CACNA2D2: variants seen among roughly 807,000 people sequenced by gnomAD.
CACNA2D2 encodes the protein voltage-dependent calcium channel subunit alpha-2/delta-2.
CACNA2D2 carries 48 observed loss-of-function variants against 166.4 expected under a neutral mutation model. That is an observed-to-expected ratio of 0.29 (90% CI 0.23 to 0.37). CACNA2D2 has a LOEUF of 0.37. Among genes scored for constraint, CACNA2D2 ranks in the 10% least tolerant of loss-of-function variants. The pLI is 1.00. For missense variants in CACNA2D2, 1,122 were observed against 1,433.0 expected, an observed-to-expected ratio of 0.78 and a Z score of 3.50; for synonymous variants, 561 against 573.7, an observed-to-expected ratio of 0.98 and a Z score of 0.32.
chr3:50,430,749 T>G (rs1262189318), intron 3 of CACNA2D2, among the ~76,000 whole-genome samples: 1 of 152,054 alleles, frequency 6.6e-6, no homozygotes, highest in Non-Finnish European at 1.5e-5. Context: ...TATAAGAACT[T>G]AGGCACCTCC....
intron 2 of CACNA2D2, among the ~76,000 whole-genome samples, chr3:50,451,696 T>G (rs1196378606): frequency 6.6e-6 from 1 of 152,138 alleles, no homozygotes; most frequent in Non-Finnish European, 1.5e-5. Flanking sequence ...CAGGGGCCTG[T>G]CCAGTGAGAG....
At chr3:50,439,210 G>C (rs541321949) in intron 2 of CACNA2D2, among the ~76,000 whole-genome samples, 1 of 152,360 alleles carries the variant, frequency 6.6e-6, no homozygotes, top group Non-Finnish European at 1.5e-5. Context: ...GGCGGATGCA[G>C]GCAGAGGCTG....
chr3:50,387,633 T>G, intron 4 of CACNA2D2, 21 bp from the exon 5 acceptor site: 1 of 1,605,616 alleles, frequency 6.2e-7, no homozygotes, highest in Non-Finnish European at 8.5e-7. Flanking sequence ...GAGAGAGGCC[T>G]CAGCACTAGC....
chr3:50,499,497 A>G (rs139536068), intron 1 of CACNA2D2, among the ~76,000 whole-genome samples: 180 of 152,328 alleles, frequency 1.2e-3, no homozygotes, highest in African/African-American at 3.4e-3. Flanking sequence ...TATCATTTCA[A>G]TTGTGGAAAC....
At chr3:50,450,360 C>T (rs1034409234) in intron 2 of CACNA2D2, among the ~76,000 whole-genome samples, 7 of 151,226 alleles carry the variant, frequency 4.6e-5, no homozygotes, top group African/African-American at 1.7e-4. Flanking sequence ...TACCCTGCCC[C>T]CGCCCCGTGT....
At chr3:50,408,993 C>T (rs1706858112) in intron 3 of CACNA2D2, among the ~76,000 whole-genome samples, 1 of 152,240 alleles carries the variant, frequency 6.6e-6, no homozygotes, top group Admixed American at 6.5e-5. Flanking sequence ...AGGAAAGGGA[C>T]CCCTGAATCC....
intron 2 of CACNA2D2, 131 bp downstream of exon 2, chr3:50,475,987 C>A (rs1710292480): frequency 6.8e-6 from 5 of 737,742 alleles, no homozygotes; most frequent in Admixed American, 4.4e-5. Flanking sequence ...CACCTGCCCC[C>A]ACGGGCCCAT....
chr3:50,388,240 G>A (rs41311615), intron 4 of CACNA2D2, among the ~76,000 whole-genome samples: 184 of 152,298 alleles, frequency 1.2e-3, no homozygotes, highest in Non-Finnish European at 1.8e-3. Flanking sequence ...CATAATCACC[G>A]GCCGCCCCGG....
intron 1 of CACNA2D2, among the ~76,000 whole-genome samples, chr3:50,484,502 A>G (rs1001722052): frequency 3.9e-5 from 6 of 152,068 alleles, no homozygotes; most frequent in Admixed American, 3.9e-4. Flanking sequence ...TGTGGCCTGA[A>G]CATGCCCCTA....
At chr3:50,399,296 C>G (rs1242185806) in intron 3 of CACNA2D2, among the ~76,000 whole-genome samples, 1 of 152,236 alleles carries the variant, frequency 6.6e-6, no homozygotes, top group Non-Finnish European at 1.5e-5. Flanking sequence ...AGGACTTTTT[C>G]TGCACAGCCC....
rs79431699 is a variant in CACNA2D2 at position 50,364,540 on chromosome 3, C to A, written c.*126G>T. The A allele has an allele frequency of 7.1e-4, 855 of 1,200,722 alleles. 25 individuals carry two copies. The East Asian group carries it at 0.021, about 30-fold the overall frequency. The allele number at this position is 1,200,722 out of a possible 1,614,324, so 74.4% of individuals were successfully genotyped here. On this transcript the variant is annotated 3_prime_UTR_variant, in exon 38 of 38. Transcript: ENST00000424201. Reference sequence around the variant, plus strand: ...CAAGGCGCAGACCAGACTCTCAGGGCCTGGCCAGCTCAGGTCCTTCAGTGA... The same window carrying A: ...CAAGGCGCAGACCAGACTCTCAGGGACTGGCCAGCTCAGGTCCTTCAGTGA...
At chr3:50,475,915 G>A (rs758561344) in intron 2 of CACNA2D2, among the ~76,000 whole-genome samples, 2 of 152,172 alleles carry the variant, frequency 1.3e-5, no homozygotes, top group East Asian at 1.9e-4. Flanking sequence ...TGGTGGCTCC[G>A]ATCGTTGCCT....
rs1328175681 is a variant in CACNA2D2, at chr3:50,365,361, G to A, written c.3093C>T (p.Cys1031=). ...TCCCGCCCCACTGCCAGCACCTGGAGCAGTTTCCGCAGTCGATGATGGCGT... is the reference window on the plus strand; with the variant it reads ...TCCCGCCCCACTGCCAGCACCTGGAACAGTTTCCGCAGTCGATGATGGCGT... ...SYNAIIDCGN[C]SRLFHAQRLT... is the part of the protein sequence containing the mutation. The change falls in exon 35 of 38, where the codon TGC becomes TGT. Residue 1031 remains cysteine (C), a synonymous_variant. Coordinates refer to ENST00000424201, the MANE Select transcript of CACNA2D2 (RefSeq NM_006030.4). This position sits in a 1 kb window ranked among gnomAD's most constrained non-coding sequence, Gnocchi z 4.5. 3 of 1,613,300 alleles carry A rather than the reference G, an allele frequency of 1.9e-6. No individual in the cohort carries two copies. The highest frequency in any genetic ancestry group is 2.2e-5 in the East Asian group (1 of 44,856).
chr3:50,399,554 A>C (rs1193755145), intron 3 of CACNA2D2, among the ~76,000 whole-genome samples: 1 of 152,072 alleles, frequency 6.6e-6, no homozygotes, highest in Non-Finnish European at 1.5e-5. Flanking sequence ...ACAGGATATC[A>C]CCAGGTGTGG....
At chr3:50,476,929 CTTTT>C (rs61469495) in intron 1 of CACNA2D2, among the ~76,000 whole-genome samples, 2 of 135,228 alleles carry the variant, frequency 1.5e-5, no homozygotes. Flanking sequence ...GTTTCTTTTT[CTTTT>C]TTTTTTTTTT....
chr3:50,412,393 C>T lies in CACNA2D2; in HGVS notation c.406-18225G>A, dbSNP rs9839996. Among the ~76,000 whole-genome samples, 1,174 of 152,270 alleles carry T rather than the reference C, an allele frequency of 7.7e-3. 15 individuals carry two copies. Among genetic ancestry groups the T allele is most frequent in the East Asian group, 0.05 (257 of 5,168 alleles). On this transcript the variant is annotated intron_variant, in intron 3 of 37. Coordinates refer to ENST00000424201, the MANE Select transcript of CACNA2D2 (RefSeq NM_006030.4). Reference sequence around the variant, plus strand: ...AACGAGACATTTCTTATTGAGATAACGAATCGCTCCATTTAGATCCAAATT... The same window carrying T: ...AACGAGACATTTCTTATTGAGATAATGAATCGCTCCATTTAGATCCAAATT...
intron 2 of CACNA2D2, among the ~76,000 whole-genome samples, chr3:50,440,857 C>T (rs1391298894): frequency 1.3e-5 from 2 of 152,088 alleles, no homozygotes; most frequent in African/African-American, 4.8e-5. Context: ...GTGGGGCTGG[C>T]CTGCTCCAGG....
At chr3:50,501,258 G>A (rs531287249) in intron 1 of CACNA2D2, among the ~76,000 whole-genome samples, 4 of 152,216 alleles carry the variant, frequency 2.6e-5, no homozygotes, top group African/African-American at 9.6e-5. Flanking sequence ...TCCCTCCAAG[G>A]ATCAATGTGC....
At chr3:50,415,957 C>T (rs1559926953) in intron 3 of CACNA2D2, 1 of 152,312 alleles carries the variant, frequency 6.6e-6, no homozygotes. Context: ...TGGTTTTCAA[C>T]TTCTTACTGC....
Sources: allele counts gnomAD v4.1 joint callset (sites outside exome capture counted in the v4.1 genomes callset), GRCh38; gene constraint gnomAD v4.1.1; non-coding constraint Gnocchi (gnomAD v3.1); transcripts MANE v1.5; gene names NCBI Gene and HGNC (gene_info 2026-07-23, HGNC 2026-07-21).